Variants in DDAH1 observed in about 807,000 individuals in gnomAD.
DDAH1 encodes dimethylarginine dimethylaminohydrolase 1.
Under a neutral mutation model 28.8 loss-of-function variants are expected in DDAH1, and 19 were observed. That is an observed-to-expected ratio of 0.66 (90% CI 0.46 to 0.97). DDAH1 has a LOEUF of 0.97. Ranked by LOEUF, DDAH1 falls within the 50% of genes least tolerant of loss-of-function variation. The pLI, the probability that DDAH1 is intolerant of heterozygous loss-of-function variation, is 0.00. For synonymous variants in DDAH1, 153 were observed against 154.4 expected (o/e 0.99, Z 0.07); for missense variants, 326 against 375.9 (o/e 0.87, Z 1.10).
At chr1:85,458,985 C>A (rs1374924004) in intron 1 of DDAH1, among the ~76,000 whole-genome samples, 1 of 152,060 alleles carries the variant, frequency 6.6e-6, no homozygotes, top group Non-Finnish European at 1.5e-5. Context: ...GTAGCAAAAG[C>A]CCATAAAATT....
intron 1 of DDAH1, among the ~76,000 whole-genome samples, chr1:85,545,093 C>T (rs751998048): frequency 6.6e-6 from 1 of 152,188 alleles, no homozygotes. Context: ...GCCTCTCAGA[C>T]ATTCCTCAGC....
intron 1 of DDAH1, among the ~76,000 whole-genome samples, chr1:85,394,577 G>A (rs1005592966): frequency 1.3e-5 from 2 of 152,182 alleles, no homozygotes; most frequent in Admixed American, 6.5e-5. Context: ...AAAACAGTGT[G>A]TCTTCTGACC....
At chr1:85,541,494 C>T (rs1453218428) in intron 1 of DDAH1, among the ~76,000 whole-genome samples, 1 of 152,166 alleles carries the variant, frequency 6.6e-6, no homozygotes. Flanking sequence ...TCAGGTATTG[C>T]AACTTCAGAC....
At chr1:85,484,355 C>T (rs571850994) in intron 2 of DDAH1, among the ~76,000 whole-genome samples, 8 of 151,950 alleles carry the variant, frequency 5.3e-5, no homozygotes, top group African/African-American at 1.9e-4. Flanking sequence ...GAGCTCATAT[C>T]GCATACCACT....
intron 1 of DDAH1, among the ~76,000 whole-genome samples, chr1:85,563,222 A>C (rs929086262): frequency 6.6e-6 from 1 of 152,210 alleles, no homozygotes; most frequent in African/African-American, 2.4e-5. Context: ...AGCTACACAA[A>C]GAGAGCTCCA....
In DDAH1 at chr1:85,325,882, T is replaced by C. The variant is rs1004315580; in HGVS notation, c.598-999A>G. On this transcript the variant is annotated intron_variant, in intron 4 of 5. Transcript: ENST00000284031. ...TCTTTCTACTCTTTATCAATATCCATACAGTTTTAAGGAATCTGCTGAAAT... is the reference window on the plus strand; with the variant it reads ...TCTTTCTACTCTTTATCAATATCCACACAGTTTTAAGGAATCTGCTGAAAT... 3.9e-5 allele frequency among the ~76,000 whole-genome samples: 6 copies of C among 152,340 alleles called. 1 individual carries two copies. Among genetic ancestry groups the C allele is most frequent in the Admixed American group, 2.6e-4 (4 of 15,302 alleles).
intron 4 of DDAH1, among the ~76,000 whole-genome samples, chr1:85,336,339 C>T (rs1007134847): frequency 6.6e-5 from 10 of 152,080 alleles, no homozygotes; most frequent in African/African-American, 9.7e-5. Context: ...TGACAATTCT[C>T]TTCATAGACC....
At chr1:85,454,556 C>A (rs1654802838) in intron 1 of DDAH1, among the ~76,000 whole-genome samples, 1 of 152,174 alleles carries the variant, frequency 6.6e-6, no homozygotes, top group South Asian at 2.1e-4. Flanking sequence ...CGATTTTTCA[C>A]ATTTATTTTT....
intron 1 of DDAH1, among the ~76,000 whole-genome samples, chr1:85,459,423 A>G (rs185032062): frequency 4.6e-5 from 7 of 152,304 alleles, no homozygotes; most frequent in Admixed American, 3.9e-4. Context: ...ACAGGAAGAG[A>G]CTACATTATT....
intron 1 of DDAH1, among the ~76,000 whole-genome samples, chr1:85,446,438 T>C (rs1654429811): frequency 6.6e-6 from 1 of 152,138 alleles, no homozygotes; most frequent in African/African-American, 2.4e-5. Flanking sequence ...GTGGGGATTA[T>C]GAGGATTACA....
At chr1:85,401,645 G>A (rs1309395441) in intron 1 of DDAH1, among the ~76,000 whole-genome samples, 2 of 151,312 alleles carry the variant, frequency 1.3e-5, no homozygotes, top group South Asian at 2.1e-4. Context: ...GACTACAGGC[G>A]CACACTACCA....
chr1:85,523,852 T>A (rs1391679475), intron 1 of DDAH1, among the ~76,000 whole-genome samples: 1 of 152,208 alleles, frequency 6.6e-6, no homozygotes, highest in Non-Finnish European at 1.5e-5. Flanking sequence ...GTCTTTGGCA[T>A]TAACATTAAG....
chr1:85,445,287 G>A (rs190158810), intron 1 of DDAH1, among the ~76,000 whole-genome samples: 38 of 152,308 alleles, frequency 2.5e-4, no homozygotes, highest in South Asian at 1.2e-3. Flanking sequence ...AGCTCTAGGA[G>A]TGTGGGGTGC....
intron 1 of DDAH1, among the ~76,000 whole-genome samples, chr1:85,577,148 G>C (rs924634475): frequency 3.3e-5 from 5 of 152,184 alleles, no homozygotes; most frequent in Admixed American, 6.5e-5. Context: ...GGTAGCAGCC[G>C]GGCAGGCGCG....
At chr1:85,541,100 G>A (rs1023290360) in intron 1 of DDAH1, among the ~76,000 whole-genome samples, 9 of 151,090 alleles carry the variant, frequency 6.0e-5, no homozygotes, top group South Asian at 2.1e-4. Flanking sequence ...TTATTGTCAC[G>A]TCACCAAGCA....
intron 1 of DDAH1, among the ~76,000 whole-genome samples, chr1:85,458,822 T>C (rs1655009758): frequency 6.6e-6 from 1 of 152,210 alleles, no homozygotes; most frequent in Non-Finnish European, 1.5e-5. Flanking sequence ...CTATGTTCTG[T>C]ATAAGATATA....
At chr1:85,431,012 G>T (rs1653661445) in intron 1 of DDAH1, among the ~76,000 whole-genome samples, 1 of 152,176 alleles carries the variant, frequency 6.6e-6, no homozygotes, top group Admixed American at 6.5e-5. Flanking sequence ...CGTTCAGTGT[G>T]ATATTGGCTG....
At chr1:85,509,837 T>C (rs1459774885) in intron 1 of DDAH1, among the ~76,000 whole-genome samples, 1 of 152,154 alleles carries the variant, frequency 6.6e-6, no homozygotes, top group East Asian at 1.9e-4. Flanking sequence ...TATGTGACTA[T>C]GTGAAAAGAC....
Position 85,412,934 on chromosome 1 carries a change from G to A in DDAH1, c.303+51809C>T, listed in dbSNP as rs192069471. On this transcript the variant is annotated intron_variant, in intron 1 of 5. Transcript: ENST00000284031. Reference sequence around the variant, plus strand: ...GAGGACTGATTGAGCCTAGCAGGTCGAGGTATCAGTGAGCTGTGATGGTGC... The same window carrying A: ...GAGGACTGATTGAGCCTAGCAGGTCAAGGTATCAGTGAGCTGTGATGGTGC... Among the ~76,000 whole-genome samples the A allele has an allele frequency of 8.1e-4, 123 of 152,292 alleles. No homozygotes were observed. In the Middle Eastern group the frequency reaches 0.027, roughly 34 times the overall value.
Sources: gnomAD v4.1 joint callset for allele counts (sites outside exome capture counted in the v4.1 genomes callset) on GRCh38, gnomAD v4.1.1 for gene constraint, MANE v1.5 for transcripts, NCBI Gene and HGNC (gene_info 2026-07-23, HGNC 2026-07-21) for gene names.